The following CTH variants were observed in gnomAD, a reference collection of about 807,000 sequenced individuals.
CTH encodes the protein cystathionase (cystathionine gamma-lyase).
In CTH, 41 loss-of-function variants were observed where a neutral mutation model predicts 50.6. The ratio of observed to expected loss-of-function variants is 0.81; its 90% CI spans 0.63 to 1.05. The LOEUF (loss-of-function observed/expected upper bound fraction) is 1.05. CTH is among the 50% of genes least tolerant of loss of function. The probability of loss-of-function intolerance (pLI) is 0.00; values close to 1 mark genes in which losing one functional copy is unlikely to be tolerated. For missense variants in CTH, 470 were observed against 492.6 expected (o/e 0.95, Z 0.43); for synonymous variants, 156 against 168.9 (o/e 0.92, Z 0.59).
At chr1:70,438,892 G>T in intron 11 of CTH, 66 bp downstream of exon 11, 1 of 1,604,554 alleles carries the variant, frequency 6.2e-7, no homozygotes, top group Non-Finnish European at 8.5e-7. Context: ...GGGCATGGGG[G>T]GTCACTATAT....
Position 70,411,661 on chromosome 1 carries a change from GTAATTTA to G in CTH, c.168+83_168+89del, listed in dbSNP as rs1330804398. Reference sequence around the variant, plus strand: ...GCTTATGAATTTGAAAGGCATGTAAGTAATTTATAATATGACTTATAAATTAGGAAGG... The same window carrying G: ...GCTTATGAATTTGAAAGGCATGTAAGTAATATGACTTATAAATTAGGAAGG... On this transcript the variant is annotated intron_variant, in intron 1 of 11. Transcript: ENST00000370938. The G allele has an allele frequency of 2.6e-6, 4 of 1,552,324 alleles. No homozygotes were observed. In the African/African-American group the frequency reaches 5.5e-5, roughly 22 times the overall value.
chr1:70,419,756 G>A (rs1456060660), intron 3 of CTH, among the ~76,000 whole-genome samples: 1 of 152,154 alleles, frequency 6.6e-6, no homozygotes, highest in Non-Finnish European at 1.5e-5. Flanking sequence ...TATTTAAAGT[G>A]GTGAATGTGG....
In CTH at chr1:70,431,607, A is replaced by C. The variant is rs566561191; in HGVS notation, c.725-476A>C. ...TTGCTTGATAAGTGTCCTTTGGTTTATAAAAAGTAGAAATGAAGTATATAT... is the reference window on the plus strand; with the variant it reads ...TTGCTTGATAAGTGTCCTTTGGTTTCTAAAAAGTAGAAATGAAGTATATAT... On this transcript the variant is annotated intron_variant, in intron 7 of 11. Coordinates refer to ENST00000370938, the MANE Select transcript of CTH (RefSeq NM_001902.6). 8.5e-5 allele frequency among the ~76,000 whole-genome samples: 13 copies of C among 152,362 alleles called. No homozygotes were observed. The South Asian group carries it at 2.7e-3, about 32-fold the overall frequency.
At chr1:70,429,363 T>C (rs1684415538) in intron 5 of CTH, among the ~76,000 whole-genome samples, 2 of 152,184 alleles carry the variant, frequency 1.3e-5, no homozygotes. Flanking sequence ...GTTTTAATGA[T>C]TAAAAATCTA....
intron 6 of CTH, 127 bp downstream of exon 6, chr1:70,429,978 A>C: frequency 1.4e-6 from 1 of 705,268 alleles, no homozygotes; most frequent in East Asian, 2.7e-5. Flanking sequence ...GAGTAAAAAA[A>C]AAAATCCTTT....
chr1:70,414,506 A>AT (rs1684046039), intron 1 of CTH, among the ~76,000 whole-genome samples: 1 of 152,054 alleles, frequency 6.6e-6, no homozygotes, highest in East Asian at 1.9e-4. Context: ...AAAAAAAAAA[A>AT]GTCTGCTCAA....
chr1:70,427,593 C>T (rs189751909), intron 5 of CTH, among the ~76,000 whole-genome samples: 4 of 152,274 alleles, frequency 2.6e-5, no homozygotes, highest in Admixed American at 6.5e-5. Flanking sequence ...TGAAAAGTTC[C>T]CATAGCCACC....
chr1:70,412,509 A>C (rs1330514750), intron 1 of CTH, among the ~76,000 whole-genome samples: 5 of 152,214 alleles, frequency 3.3e-5, no homozygotes, highest in Admixed American at 6.5e-5. Context: ...CTGAGGCAGG[A>C]GAATCGCTTG....
At chr1:70,428,248 G>A (rs888498399) in intron 5 of CTH, among the ~76,000 whole-genome samples, 22 of 152,116 alleles carry the variant, frequency 1.4e-4, no homozygotes, top group Non-Finnish European at 2.9e-5. Flanking sequence ...TGGAGGTGGG[G>A]AGGACAGAGG....
chr1:70,417,028 A>G (rs189085433), intron 2 of CTH, among the ~76,000 whole-genome samples: 1 of 152,134 alleles, frequency 6.6e-6, no homozygotes, highest in African/African-American at 2.4e-5. Flanking sequence ...TCACCTAATA[A>G]TTTGTGCCTG....
Position 70,417,964 on chromosome 1 carries a change from C to G in CTH, c.278C>G (p.Ala93Gly). The G allele has an allele frequency of 6.2e-7, 1 of 1,614,022 alleles. No individual in the cohort carries two copies. The highest frequency in any genetic ancestry group is 8.5e-7 in the Non-Finnish European group (1 of 1,179,988). ...YCLAFASGLAATVTITHLLKA... is the reference protein window; with the variant it reads ...YCLAFASGLAGTVTITHLLKA... ...TTGGCCTTTGCTTCAGGTTTAGCAGCCACTGTAACTATTACCCATCTTTTA... is the reference window on the plus strand; with the variant it reads ...TTGGCCTTTGCTTCAGGTTTAGCAGGCACTGTAACTATTACCCATCTTTTA... Residue 93 changes from alanine (A) to glycine (G), a missense_variant, in exon 3 of 12, where the codon GCC becomes GGC. Ala to Gly is a moderately conservative substitution (Grantham distance 60, BLOSUM62 0). Transcript: ENST00000370938.
At chr1:70,417,182 G>A (rs1253427051) in intron 2 of CTH, among the ~76,000 whole-genome samples, 5 of 151,922 alleles carry the variant, frequency 3.3e-5, no homozygotes, top group Non-Finnish European at 7.4e-5. Flanking sequence ...ACAAATCTCA[G>A]GTCTGATTGC....
At chr1:70,417,850 T>C in intron 2 of CTH, 87 bp from the exon 3 acceptor site, 1 of 1,465,094 alleles carries the variant, frequency 6.8e-7, no homozygotes, top group South Asian at 1.2e-5. Context: ...CCTATCTGCA[T>C]TAAAGTAAGT....
intron 4 of CTH, among the ~76,000 whole-genome samples, chr1:70,423,863 A>T (rs879748118): frequency 6.0e-4 from 91 of 152,184 alleles, no homozygotes; most frequent in Non-Finnish European, 7.3e-5. Flanking sequence ...TTTTGGCATC[A>T]TAGGGATAAT....
intron 7 of CTH, among the ~76,000 whole-genome samples, chr1:70,431,564 A>G (rs1684475290): frequency 6.6e-6 from 1 of 152,202 alleles, no homozygotes; most frequent in South Asian, 2.1e-4. Context: ...TGTCCTCCAC[A>G]AGGGAAACTG....
chr1:70,416,345 TATAA>T (rs1557461840), intron 2 of CTH, among the ~76,000 whole-genome samples: 1 of 152,152 alleles, frequency 6.6e-6, no homozygotes, highest in Non-Finnish European at 1.5e-5. Flanking sequence ...AAACTGTCAG[TATAA>T]ATAAATAAAT....
At chr1:70,424,483 G>C (rs539472721) in intron 5 of CTH, 67 bp downstream of exon 5, 517 of 1,602,146 alleles carry the variant, frequency 3.2e-4, no homozygotes, top group Non-Finnish European at 4.1e-4. Flanking sequence ...GGAAAGAAAG[G>C]ACTTGCTTAA....
intron 5 of CTH, among the ~76,000 whole-genome samples, chr1:70,426,649 C>T (rs1684352305): frequency 6.6e-6 from 1 of 152,236 alleles, no homozygotes; most frequent in African/African-American, 2.4e-5. Flanking sequence ...CTGCCTTTGG[C>T]TCATAATGTA....
intron 2 of CTH, 76 bp from the exon 3 acceptor site, chr1:70,417,861 C>A: frequency 6.6e-7 from 1 of 1,524,250 alleles, no homozygotes; most frequent in South Asian, 1.1e-5. Flanking sequence ...TAAAGTAAGT[C>A]AGGTAAATAC....
Sources: allele counts gnomAD v4.1 joint callset (sites outside exome capture counted in the v4.1 genomes callset), GRCh38; gene constraint gnomAD v4.1.1; transcripts MANE v1.5; gene names NCBI Gene and HGNC (gene_info 2026-07-23, HGNC 2026-07-21).